The following ADAMTS2 variants were observed in gnomAD, a reference collection of about 807,000 sequenced individuals.
The protein encoded by ADAMTS2 is A disintegrin and metalloproteinase with thrombospondin motifs 2.
Under a neutral mutation model 123.0 loss-of-function variants are expected in ADAMTS2, and 50 were observed. The observed-to-expected ratio is 0.41, with a 90% CI of 0.32 to 0.51. ADAMTS2 has a LOEUF of 0.51. Ranked by LOEUF, ADAMTS2 falls within the 20% of genes least tolerant of loss-of-function variation. ADAMTS2 has a pLI of 0.35. For synonymous variants in ADAMTS2, 678 were observed against 695.4 expected, an observed-to-expected ratio of 0.98 and a Z score of 0.39; for missense variants, 1,494 against 1,705.2, an observed-to-expected ratio of 0.88 and a Z score of 2.18.
At chr5:179,122,587 C>T in intron 20 of ADAMTS2, 57 bp downstream of exon 20, 1 of 1,540,500 alleles carries the variant, frequency 6.5e-7, no homozygotes, top group East Asian at 2.5e-5. Flanking sequence ...GCCTCTGACA[C>T]CCCCGCCCTG....
chr5:179,325,921 C>T (rs553201871), intron 2 of ADAMTS2, among the ~76,000 whole-genome samples: 17 of 152,354 alleles, frequency 1.1e-4, no homozygotes, highest in African/African-American at 3.6e-4. Context: ...CGAGGCCAGC[C>T]GCCTCTGGGC....
intron 4 of ADAMTS2, among the ~76,000 whole-genome samples, chr5:179,205,176 G>A (rs1167358608): frequency 6.6e-6 from 1 of 152,230 alleles, no homozygotes; most frequent in South Asian, 2.1e-4. Flanking sequence ...TGTTGTGACA[G>A]AGAGACCCTG....
At chr5:179,284,891 C>T (rs1342907878) in intron 2 of ADAMTS2, among the ~76,000 whole-genome samples, 2 of 152,188 alleles carry the variant, frequency 1.3e-5, no homozygotes, top group African/African-American at 2.4e-5. Flanking sequence ...CTGTGCCAAA[C>T]GTCAGCACAG....
At chr5:179,178,707 G>A (rs1763983719) in intron 5 of ADAMTS2, among the ~76,000 whole-genome samples, 1 of 151,888 alleles carries the variant, frequency 6.6e-6, no homozygotes, top group Non-Finnish European at 1.5e-5. Flanking sequence ...CTAATTTATT[G>A]ATTTCTGCTT....
chr5:179,203,238 A>T (rs1357932213), intron 4 of ADAMTS2, among the ~76,000 whole-genome samples: 1 of 152,104 alleles, frequency 6.6e-6, no homozygotes, highest in African/African-American at 2.4e-5. Context: ...GGCCTTTCCC[A>T]GGGCACAGGC....
Position 179,132,297 on chromosome 5 carries a change from C to T in ADAMTS2, c.2223G>A (p.Met741Ile), listed in dbSNP as rs1762978925. The T allele has an allele frequency of 6.2e-7, 1 of 1,614,178 alleles. No homozygotes were observed. The highest frequency in any genetic ancestry group is 8.5e-7 in the Non-Finnish European group (1 of 1,180,020). The stretch of plus-strand genomic sequence containing the variant: ...GTCTGGCTCCTGCAGGGATCTCAAA[C>T]ATCTTGATGTAACCTTTTTTTGATG... ...RSPKKHGYIK[M>I]FEIPAGARHL... Residue 741 changes from methionine (M) to isoleucine (I), a missense_variant, in exon 15 of 22, where the codon ATG becomes ATA. Around this residue, in one of 6 missense-constraint regions of ADAMTS2, gnomAD observed 953 missense variants for 1,124.7 expected, o/e 0.85. Transcript: ENST00000251582. The surrounding 1 kb of genome is among the most constrained non-coding windows in gnomAD (Gnocchi z 6.1).
intron 2 of ADAMTS2, among the ~76,000 whole-genome samples, chr5:179,287,895 C>T (rs1219411999): frequency 6.6e-6 from 1 of 152,212 alleles, no homozygotes; most frequent in African/African-American, 2.4e-5. Context: ...AGAGCACAGG[C>T]TGGGACGCAG....
rs951650149 is a variant in ADAMTS2, at chr5:179,155,434, C to A, written c.1133-515G>T. 2.6e-5 allele frequency among the ~76,000 whole-genome samples: 4 copies of A among 152,344 alleles called. No individual in the cohort carries two copies. In the East Asian group the frequency reaches 7.7e-4, roughly 29 times the overall value. On this transcript the variant is annotated intron_variant, in intron 6 of 21. Coordinates refer to ENST00000251582, the MANE Select transcript of ADAMTS2 (RefSeq NM_014244.5). This position sits in a 1 kb window ranked among gnomAD's most constrained non-coding sequence, Gnocchi z 5.1. ...CCGTGTTTCTCTGGGGTCCTTGAGA[C>A]CCTAGCTAGACCTGTTTCCATAATG... is the stretch of plus-strand genomic sequence containing the variant.
chr5:179,153,353 G>A, intron 9 of ADAMTS2, 138 bp downstream of exon 9: 1 of 1,342,288 alleles, frequency 7.4e-7, no homozygotes, highest in South Asian at 1.3e-5. Flanking sequence ...GGGTGCAGAG[G>A]GACAGGCTGC....
intron 10 of ADAMTS2, among the ~76,000 whole-genome samples, chr5:179,149,390 G>A (rs1434233507): frequency 1.1e-4 from 17 of 152,236 alleles, no homozygotes; most frequent in Admixed American, 1.1e-3. Flanking sequence ...AGGCTCTGTT[G>A]TGTAAGCCAC....
At position 179,188,138 on chromosome 5, in the gene ADAMTS2, C is replaced by T. The variant is rs1484345307; in HGVS notation, c.892-6983G>A. Among the ~76,000 whole-genome samples the T allele has an allele frequency of 6.6e-6, 1 of 152,216 alleles. No individual in the cohort carries two copies. Among genetic ancestry groups the T allele is most frequent in the Non-Finnish European group, 1.5e-5 (1 of 68,032 alleles). The stretch of plus-strand genomic sequence containing the variant: ...CAGGGGCCCTGGAACAGCAGCCACC[C>T]CAACCTTCAGGAAAGTTCCCATGTC... On this transcript the variant is annotated intron_variant, in intron 4 of 21. Coordinates refer to ENST00000251582, the MANE Select transcript of ADAMTS2 (RefSeq NM_014244.5). The surrounding 1 kb of genome is among the most constrained non-coding windows in gnomAD (Gnocchi z 5.1).
intron 17 of ADAMTS2, among the ~76,000 whole-genome samples, chr5:179,126,372 G>T (rs889029063): frequency 6.6e-6 from 1 of 152,204 alleles, no homozygotes; most frequent in African/African-American, 2.4e-5. Context: ...CCCTCACTGG[G>T]CTCCTGGGTC....
At chr5:179,199,311 G>A (rs1397560663) in intron 4 of ADAMTS2, among the ~76,000 whole-genome samples, 1 of 152,194 alleles carries the variant, frequency 6.6e-6, no homozygotes, top group Non-Finnish European at 1.5e-5. Context: ...GCAGGGGCAG[G>A]ATCAGGCATG....
In ADAMTS2 at chr5:179,155,438, A is replaced by G. The variant is rs911609831; in HGVS notation, c.1133-519T>C. The stretch of plus-strand genomic sequence containing the variant: ...GTTTCTCTGGGGTCCTTGAGACCCT[A>G]GCTAGACCTGTTTCCATAATGCCGC... On this transcript the variant is annotated intron_variant, in intron 6 of 21. Coordinates refer to ENST00000251582, the MANE Select transcript of ADAMTS2 (RefSeq NM_014244.5). The surrounding 1 kb of genome is among the most constrained non-coding windows in gnomAD (Gnocchi z 5.1). 6.6e-6 allele frequency among the ~76,000 whole-genome samples: 1 copy of G among 152,142 alleles called. No homozygotes were observed. Among genetic ancestry groups the G allele is most frequent in the African/African-American group, 2.4e-5 (1 of 41,446 alleles).
Position 179,118,477 on chromosome 5 carries a change from G to A in ADAMTS2, c.3178+3184C>T, listed in dbSNP as rs757779509. Among the ~76,000 whole-genome samples the A allele has an allele frequency of 1.3e-5, 2 of 152,134 alleles. No individual in the cohort carries two copies. Among genetic ancestry groups the A allele is most frequent in the African/African-American group, 4.8e-5 (2 of 41,420 alleles). ...CAATCAACCATTGAGAGTAAACACAGTTTTCATAAACTTAAGTCACTGTAG... is the reference window on the plus strand; with the variant it reads ...CAATCAACCATTGAGAGTAAACACAATTTTCATAAACTTAAGTCACTGTAG... On this transcript the variant is annotated intron_variant, in intron 21 of 21. Transcript: ENST00000251582. The surrounding 1 kb of genome is among the most constrained non-coding windows in gnomAD (Gnocchi z 4.5).
At chr5:179,226,324 T>C (rs1478753011) in intron 3 of ADAMTS2, among the ~76,000 whole-genome samples, 1 of 149,852 alleles carries the variant, frequency 6.7e-6, no homozygotes, top group Non-Finnish European at 1.5e-5. Context: ...TGGAGTACAG[T>C]GGCGTGATCT....
rs577009431 is a variant in ADAMTS2, at chr5:179,196,534, T to C, written c.891+10979A>G. ...GGTTAAGAGCAGTTCATTCTATCCTTTAAAAAGAATCCCCGAAGTAGCCTC... is the reference window on the plus strand; with the variant it reads ...GGTTAAGAGCAGTTCATTCTATCCTCTAAAAAGAATCCCCGAAGTAGCCTC... On this transcript the variant is annotated intron_variant, in intron 4 of 21. Transcript: ENST00000251582. 6.6e-5 allele frequency among the ~76,000 whole-genome samples: 10 copies of C among 152,280 alleles called. No individual in the cohort carries two copies. In the South Asian group the frequency reaches 2.1e-3, roughly 32 times the overall value.
intron 4 of ADAMTS2, among the ~76,000 whole-genome samples, chr5:179,200,244 CTTTTTTTTTTTT>C (rs1051856642): frequency 1.9e-5 from 2 of 103,688 alleles, no homozygotes; most frequent in South Asian, 3.4e-4. Context: ...CCTTTCTTTC[CTTTTTTTTTTTT>C]TTTTTTTTTT....
rs377515203 is a variant in ADAMTS2, at chr5:179,181,050, C to G, written c.975+22G>C. On this transcript the variant is annotated intron_variant, in intron 5 of 21. Coordinates refer to ENST00000251582, the MANE Select transcript of ADAMTS2 (RefSeq NM_014244.5). The surrounding 1 kb of genome is among the most constrained non-coding windows in gnomAD (Gnocchi z 4.1). ...CACTCCGAGGGGGTGGAGGCAGGCC[C>G]GGCTGGCCACAGTGCACTCACCTTT... 1.7e-5 allele frequency: 27 copies of G among 1,603,200 alleles called. No individual in the cohort carries two copies. Among genetic ancestry groups the G allele is most frequent in the Non-Finnish European group, 2.3e-5 (27 of 1,170,582 alleles).
Sources: allele counts gnomAD v4.1 joint callset (sites outside exome capture counted in the v4.1 genomes callset), GRCh38; gene constraint gnomAD v4.1.1; regional missense constraint gnomAD v4.1.1; non-coding constraint Gnocchi (gnomAD v3.1); transcripts MANE v1.5; gene names NCBI Gene and HGNC (gene_info 2026-07-23, HGNC 2026-07-21).